DYRK4: variants seen among roughly 807,000 people sequenced by gnomAD.
DYRK4 encodes dual specificity tyrosine phosphorylation regulated kinase 4.
DYRK4 carries 64 observed loss-of-function variants against 68.3 expected under a neutral mutation model. That is an observed-to-expected ratio of 0.94 (90% confidence interval 0.77 to 1.15). The LOEUF (loss-of-function observed/expected upper bound fraction) is 1.15. Among genes scored for constraint, DYRK4 ranks in the 50% most tolerant of loss-of-function variants. The pLI is 0.00. For synonymous variants in DYRK4, 274 were observed against 289.9 expected (o/e 0.95, Z 0.56); for missense variants, 740 against 764.7 (o/e 0.97, Z 0.38).
At chr12:4,609,919 A>G (rs1336047561) in intron 12 of DYRK4, 1 of 291,700 alleles carries the variant, frequency 3.4e-6, no homozygotes, top group African/African-American at 2.2e-5. Context: ...AAGGAAGTTC[A>G]GAACATACTG....
Position 4,605,104 on chromosome 12 carries a change from G to C in DYRK4, c.1299+18G>C, listed in dbSNP as rs1945127920. 1 of 1,606,348 alleles carries C rather than the reference G, an allele frequency of 6.2e-7. No individual in the cohort carries two copies. On this transcript the variant is annotated intron_variant, in intron 11 of 14. Transcript: ENST00000543431. The stretch of plus-strand genomic sequence containing the variant: ...TCATGGAGGTACGCGGAGGGCTGGC[G>C]GTCGGCTCCCACGGAGACCGTGGGC...
intron 13 of DYRK4, among the ~76,000 whole-genome samples, chr12:4,611,225 G>A (rs773838847): frequency 1.3e-5 from 2 of 152,200 alleles, no homozygotes; most frequent in African/African-American, 4.8e-5. Context: ...AGGTAATGAT[G>A]AAAGTATTCC....
intron 2 of DYRK4, chr12:4,573,383 T>G: frequency 2.3e-6 from 3 of 1,289,278 alleles, no homozygotes; most frequent in South Asian, 2.5e-5. Flanking sequence ...TTGTTCTGCG[T>G]GTTCATTGGT....
intron 13 of DYRK4, 100 bp downstream of exon 13, chr12:4,610,384 A>C (rs1945206380): frequency 7.9e-7 from 1 of 1,259,466 alleles, no homozygotes; most frequent in South Asian, 1.8e-5. Context: ...GATAGTTATA[A>C]AAGTAACAAG....
intron 2 of DYRK4, among the ~76,000 whole-genome samples, chr12:4,569,681 A>G (rs188675173): frequency 8.6e-5 from 13 of 151,942 alleles, no homozygotes; most frequent in African/African-American, 3.1e-4. Context: ...GGCTGGTCTC[A>G]AACTCCTGGG....
chr12:4,610,354 G>A, intron 13 of DYRK4, 70 bp downstream of exon 13: 1 of 1,402,456 alleles, frequency 7.1e-7, no homozygotes, highest in South Asian at 1.6e-5. Context: ...ACGTTTGCTG[G>A]TGAAAGACTA....
chr12:4,597,701 A>C (rs1013601631), intron 8 of DYRK4, among the ~76,000 whole-genome samples: 1 of 152,194 alleles, frequency 6.6e-6, no homozygotes, highest in African/African-American at 2.4e-5. Context: ...GTGACTAGTC[A>C]GGATGGGGCC....
chr12:4,612,463 C>CT, intron 13 of DYRK4, 80 bp from the exon 14 acceptor site: 2 of 1,418,924 alleles, frequency 1.4e-6, no homozygotes, highest in Non-Finnish European at 1.9e-6. Flanking sequence ...AAATAAAAAT[C>CT]TTTATTGGGT....
chr12:4,581,049 C>T (rs967924596), intron 2 of DYRK4: 4 of 336,092 alleles, frequency 1.2e-5, no homozygotes, highest in Non-Finnish European at 2.3e-5. Flanking sequence ...TCTAACTAGC[C>T]CTAAATAGGG....
chr12:4,612,776 AT>A (rs763620765), intron 14 of DYRK4, 58 bp downstream of exon 14: 6 of 1,572,270 alleles, frequency 3.8e-6, no homozygotes, highest in Non-Finnish European at 5.2e-6. Context: ...ATATTCTAGA[AT>A]TCTGTAAATC....
chr12:4,604,986 T>C lies in DYRK4; in HGVS notation c.1199T>C (p.Ile400Thr). Residue 400 changes from isoleucine (I) to threonine (T), a missense_variant, in exon 11 of 15, where the codon ATT becomes ACT. Around this residue, in one of 3 missense-constraint regions of DYRK4, gnomAD observed 614 missense variants for 603.7 expected, o/e 1.02. Transcript: ENST00000543431. Reference protein sequence around the residue: ...VILGHPYDVAIDMWSLGCITA... With the variant: ...VILGHPYDVATDMWSLGCITA... Reference sequence around the variant, plus strand: ...CTGGGCCACCCCTACGACGTGGCCATTGACATGTGGAGCCTGGGCTGCATC... The same window carrying C: ...CTGGGCCACCCCTACGACGTGGCCACTGACATGTGGAGCCTGGGCTGCATC... The C allele has an allele frequency of 6.2e-7, 1 of 1,614,068 alleles. No homozygotes were observed. Among genetic ancestry groups the C allele is most frequent in the Non-Finnish European group, 8.5e-7 (1 of 1,179,930 alleles).
In DYRK4 at chr12:4,596,614, C is replaced by G. The variant is rs748148722; in HGVS notation, c.790C>G (p.Leu264Val). Residue 264 changes from leucine (L) to valine (V), a missense_variant, in exon 8 of 15, where the codon CTG (leucine) becomes GTG (valine). Transcript: ENST00000543431. ...KRFHQQALMELKILEALRKKD... is the reference protein window; with the variant it reads ...KRFHQQALMEVKILEALRKKD... ...GTTTCACCAGCAGGCCCTGATGGAG[C>G]TGAAGATCCTGGAAGCTCTCAGAAA... 6.2e-7 allele frequency: 1 copy of G among 1,613,982 alleles called. No homozygotes were observed. Among genetic ancestry groups the G allele is most frequent in the African/African-American group, 1.3e-5 (1 of 74,932 alleles).
intron 11 of DYRK4, among the ~76,000 whole-genome samples, chr12:4,605,589 AC>A (rs1159093814): frequency 2.6e-5 from 4 of 152,156 alleles, no homozygotes; most frequent in Non-Finnish European, 4.4e-5. Context: ...ATTTCCTGAT[AC>A]CGTAAGCCTC....
intron 2 of DYRK4, among the ~76,000 whole-genome samples, chr12:4,586,661 C>T (rs573799530): frequency 9.9e-5 from 15 of 151,830 alleles, no homozygotes; most frequent in Non-Finnish European, 1.6e-4. Flanking sequence ...CACCAGTCCT[C>T]GGGGTCACTT....
At position 4,593,198 on chromosome 12, in the gene DYRK4, G is replaced by C. The variant is rs12306234; in HGVS notation, c.627+33G>C. The stretch of plus-strand genomic sequence containing the variant: ...GGGTGGGGGCCATGGGAACCTGCAG[G>C]GGCCCAGGGACAAGAGGTAGTCTAG... On this transcript the variant is annotated intron_variant, in intron 6 of 14. Transcript: ENST00000543431. 385 of 1,607,932 alleles carry C rather than the reference G, an allele frequency of 2.4e-4. 4 individuals carry two copies. The South Asian group carries it at 4.1e-3, about 17-fold the overall frequency.
rs577529211 is a variant in DYRK4, at chr12:4,585,688, T to TAATG, written c.133-3248_133-3245dup. 5.0e-3 allele frequency among the ~76,000 whole-genome samples: 759 copies of TAATG among 152,244 alleles called. 8 individuals are homozygous for TAATG. The highest frequency in any genetic ancestry group is 0.017 in the African/African-American group (715 of 41,540). Reference sequence around the variant, plus strand: ...GATATACCTAATGTAAATGATGAGTTAATGGGTGCAGCACACCAACATGGC... The same window carrying TAATG: ...GATATACCTAATGTAAATGATGAGTTAATGAATGGGTGCAGCACACCAACATGGC... On this transcript the variant is annotated intron_variant, in intron 2 of 14. Transcript: ENST00000543431.
At chr12:4,611,642 T>C (rs1945222538) in intron 13 of DYRK4, among the ~76,000 whole-genome samples, 1 of 152,152 alleles carries the variant, frequency 6.6e-6, no homozygotes, top group South Asian at 2.1e-4. Flanking sequence ...GACACAGAAA[T>C]GAGAGTTTGA....
At chr12:4,603,251 G>A (rs1163726567) in intron 10 of DYRK4, 16 of 917,278 alleles carry the variant, frequency 1.7e-5, no homozygotes, top group Non-Finnish European at 2.8e-5. Context: ...TTCTATTACT[G>A]TTTCATTCTC....
In DYRK4 at chr12:4,605,076, G is replaced by T; in HGVS notation, c.1289G>T (p.Cys430Phe). The T allele has an allele frequency of 6.2e-7, 1 of 1,612,162 alleles. No individual in the cohort carries two copies. The highest frequency in any genetic ancestry group is 8.5e-7 in the Non-Finnish European group (1 of 1,179,090). ...GAGAATGAGGTGGAGCAGCTGGCCT[G>T]CATCATGGAGGTACGCGGAGGGCTG... ...PGENEVEQLA[C>F]IMEVLGLPPA... The change falls in exon 11 of 15, where the codon TGC becomes TTC. Residue 430 changes from cysteine to phenylalanine, a missense_variant. Transcript: ENST00000543431.
Sources: gnomAD v4.1 joint callset for allele counts (sites outside exome capture counted in the v4.1 genomes callset) on GRCh38, gnomAD v4.1.1 for gene constraint, gnomAD v4.1.1 regional missense constraint, MANE v1.5 for transcripts, NCBI Gene and HGNC (gene_info 2026-07-23, HGNC 2026-07-21) for gene names.